Variants in ANXA4 observed in about 807,000 individuals in gnomAD.
ANXA4 encodes the protein annexin A4, also known as 35-beta calcimedin.
A neutral mutation model predicts 49.8 loss-of-function variants in ANXA4; 39 were observed. The ratio of observed to expected loss-of-function variants is 0.78; its 90% CI spans 0.61 to 1.02. The LOEUF is 1.02. ANXA4 is among the 50% of genes least tolerant of loss of function. ANXA4 has a pLI of 0.00. For synonymous variants in ANXA4, 134 were observed against 152.5 expected (o/e 0.88, Z 0.89); for missense variants, 360 against 410.1 (o/e 0.88, Z 1.05).
At chr2:69,801,252 T>C (rs1297488085) in intron 3 of ANXA4, among the ~76,000 whole-genome samples, 2 of 152,160 alleles carry the variant, frequency 1.3e-5, no homozygotes, top group Admixed American at 6.6e-5. Flanking sequence ...CGGCCAGCAT[T>C]CCCTTGTGCA....
chr2:69,646,083 G>A (rs1675999946), intron 1 of ANXA4, among the ~76,000 whole-genome samples: 1 of 152,120 alleles, frequency 6.6e-6, no homozygotes, highest in South Asian at 2.1e-4. Context: ...CCACGCACAA[G>A]CAGCATAGGA....
chr2:69,758,317 C>T (rs959261675), intron 1 of ANXA4, among the ~76,000 whole-genome samples: 1 of 152,140 alleles, frequency 6.6e-6, no homozygotes, highest in African/African-American at 2.4e-5. Flanking sequence ...CTGACCCCTA[C>T]TACTAAGGTT....
At chr2:69,697,677 A>G (rs960076264) in intron 2 of ANXA4, among the ~76,000 whole-genome samples, 2 of 152,200 alleles carry the variant, frequency 1.3e-5, no homozygotes, top group African/African-American at 4.8e-5. Context: ...TCACTTGAAC[A>G]CTGAGAGGCC....
At chr2:69,757,238 T>TTA (rs869068494) in intron 1 of ANXA4, among the ~76,000 whole-genome samples, 856 of 59,034 alleles carry the variant, frequency 0.015, 21 homozygotes, top group Middle Eastern at 0.026. Context: ...CATTTTTGTT[T>TTA]TATATATATA....
At chr2:69,773,621 CTTTTTTTT>C (rs67161210) in intron 1 of ANXA4, among the ~76,000 whole-genome samples, 7 of 93,066 alleles carry the variant, frequency 7.5e-5, no homozygotes, top group East Asian at 7.9e-4. Flanking sequence ...TTCTTTCCTT[CTTTTTTTT>C]TTTTTTTTTT....
At chr2:69,808,321 C>T (rs1446593539) in intron 6 of ANXA4, 2 of 289,240 alleles carry the variant, frequency 6.9e-6, no homozygotes. Flanking sequence ...CAGATCTTAG[C>T]ATTCCAAGGA....
chr2:69,686,065 AAGT>A (rs1677774728), intron 2 of ANXA4, among the ~76,000 whole-genome samples: 1 of 152,196 alleles, frequency 6.6e-6, no homozygotes, highest in Non-Finnish European at 1.5e-5. Context: ...AATTACTAGG[AAGT>A]AGTATTTTAA....
rs905031448 is a variant in ANXA4, at chr2:69,714,311, G to A, written n.767-6463G>A. ...GAAGTGACCTTCTAAGGAGGGGAGC[G>A]TACAGTTTCCGGAAGGGAGGAAGGA... On this transcript the variant is annotated intron_variant and non_coding_transcript_variant, in intron 2 of 3. Transcript: ENST00000418066. Among the ~76,000 whole-genome samples, 19 of 144,660 alleles carry A rather than the reference G, an allele frequency of 1.3e-4. 1 individual carries two copies. Among genetic ancestry groups the A allele is most frequent in the Admixed American group, 1.2e-3 (17 of 14,642 alleles). The allele number at this position is 144,660 out of a possible 152,430, so 94.9% of individuals were successfully genotyped here.
chr2:69,657,856 A>C (rs1676563102), intron 2 of ANXA4, among the ~76,000 whole-genome samples: 3 of 152,200 alleles, frequency 2.0e-5, no homozygotes, highest in African/African-American at 7.2e-5. Flanking sequence ...ATGGGGATTT[A>C]AAAATTTTTG....
At chr2:69,734,585 G>A (rs773350290) in intron 3 of ANXA4, among the ~76,000 whole-genome samples, 1 of 152,054 alleles carries the variant, frequency 6.6e-6, no homozygotes, top group Admixed American at 6.6e-5. Context: ...AGATGTCTGT[G>A]GTCACCAGTC....
At chr2:69,683,848 G>A (rs1007875733) in intron 2 of ANXA4, among the ~76,000 whole-genome samples, 1 of 152,298 alleles carries the variant, frequency 6.6e-6, no homozygotes, top group Non-Finnish European at 1.5e-5. Flanking sequence ...AGAACAAAGC[G>A]GTGGTGAACC....
At chr2:69,701,297 C>G (rs1428394677) in intron 2 of ANXA4, among the ~76,000 whole-genome samples, 1 of 152,104 alleles carries the variant, frequency 6.6e-6, no homozygotes, top group Non-Finnish European at 1.5e-5. Flanking sequence ...CACCAGCCAT[C>G]TCCAGAACTC....
upstream of ANXA4, chr2:69,643,842 A>G: frequency 8.5e-7 from 1 of 1,181,044 alleles, no homozygotes; most frequent in Non-Finnish European, 1.0e-6. Context: ...GCGGCGAGGG[A>G]CCGGGGCCTC....
intron 2 of ANXA4, among the ~76,000 whole-genome samples, chr2:69,656,325 A>G (rs192135025): frequency 4.2e-4 from 41 of 98,256 alleles, no homozygotes; most frequent in Non-Finnish European, 5.5e-4. Context: ...ATATATATGT[A>G]TATATATGTG....
intron 2 of ANXA4, among the ~76,000 whole-genome samples, chr2:69,678,820 C>A (rs1429296299): frequency 3.9e-5 from 6 of 152,126 alleles, no homozygotes; most frequent in Non-Finnish European, 1.5e-5. Flanking sequence ...TGTAACAGCT[C>A]ATCTTTAAAA....
At chr2:69,678,838 T>C (rs563500795) in intron 2 of ANXA4, among the ~76,000 whole-genome samples, 1 of 152,340 alleles carries the variant, frequency 6.6e-6, no homozygotes, top group East Asian at 1.9e-4. Context: ...AAATCTTGTA[T>C]ACTGTTGGTG....
intron 2 of ANXA4, among the ~76,000 whole-genome samples, chr2:69,686,170 G>C (rs913842566): frequency 6.6e-6 from 1 of 151,438 alleles, no homozygotes; most frequent in Non-Finnish European, 1.5e-5. Context: ...TTTCGAGACA[G>C]GGTCTTGTTT....
At chr2:69,756,688 AT>A (rs968454837) in intron 1 of ANXA4, among the ~76,000 whole-genome samples, 17 of 152,070 alleles carry the variant, frequency 1.1e-4, no homozygotes, top group Admixed American at 2.6e-4. Flanking sequence ...TATAATTTAA[AT>A]TTTTTCTTCC....
chr2:69,816,792 G>A (rs1322996972), intron 9 of ANXA4: 1 of 152,166 alleles, frequency 6.6e-6, no homozygotes, highest in Non-Finnish European at 1.5e-5. Context: ...AGCAAGTAAG[G>A]ATATAATAAG....
Sources: allele counts gnomAD v4.1 joint callset (sites outside exome capture counted in the v4.1 genomes callset), GRCh38; gene constraint gnomAD v4.1.1; transcripts MANE v1.5; gene names NCBI Gene and HGNC (gene_info 2026-07-23, HGNC 2026-07-21).